The following REEP3 variants were observed in gnomAD, a reference collection of about 807,000 sequenced individuals.
The protein encoded by REEP3 is receptor expression-enhancing protein 3.
In REEP3, 20 loss-of-function variants were observed where a neutral mutation model predicts 41.3. The observed-to-expected ratio is 0.48, with a 90% confidence interval of 0.34 to 0.70. REEP3 has a LOEUF of 0.70. Among genes scored for constraint, REEP3 ranks in the 30% least tolerant of loss-of-function variants. REEP3 has a pLI of 0.01. For missense variants in REEP3, 271 were observed against 308.8 expected (o/e 0.88, Z 0.92); for synonymous variants, 104 against 101.8 (o/e 1.02, Z -0.13).
rs1589865641 is a variant in REEP3, at chr10:63,556,638, T to TG, written c.33-9700_33-9699insG. Among the ~76,000 whole-genome samples, 3 of 85,336 alleles carry TG rather than the reference T, an allele frequency of 3.5e-5. 1 individual carries two copies. The highest frequency in any genetic ancestry group is 4.9e-5 in the Non-Finnish European group (2 of 40,908). 56.0% of individuals were successfully genotyped at this position (85,336 alleles called of 152,430 possible). The stretch of plus-strand genomic sequence containing the variant: ...TGTTTTTTTTTTTGTTGTTTTGTTT[T>TG]TTTTTTTTTTTTTTTGAGACGGAGT... On this transcript the variant is annotated intron_variant, in intron 1 of 7. Transcript: ENST00000373758.
intron 1 of REEP3, among the ~76,000 whole-genome samples, chr10:63,527,033 T>C (rs1381154158): frequency 6.6e-6 from 1 of 152,190 alleles, no homozygotes; most frequent in Non-Finnish European, 1.5e-5. Flanking sequence ...TATATCGATA[T>C]TTCCCTTTTT....
intron 6 of REEP3, among the ~76,000 whole-genome samples, chr10:63,618,237 CTTTTTTTTT>C (rs60115766): frequency 2.6e-4 from 17 of 66,576 alleles, no homozygotes; most frequent in South Asian, 6.0e-4. Context: ...TTTCCTTCTT[CTTTTTTTTT>C]TTTTTTTTTT....
At chr10:63,605,915 C>G (rs897477168) in intron 5 of REEP3, among the ~76,000 whole-genome samples, 7 of 152,158 alleles carry the variant, frequency 4.6e-5, no homozygotes, top group Admixed American at 2.0e-4. Flanking sequence ...CTGCAGTATT[C>G]TCAGTTTCTT....
At chr10:63,604,094 G>A (rs1001175630) in intron 5 of REEP3, among the ~76,000 whole-genome samples, 3 of 152,112 alleles carry the variant, frequency 2.0e-5, no homozygotes, top group African/African-American at 7.2e-5. Flanking sequence ...TTTGAAGAAC[G>A]GGTAATAACG....
At chr10:63,603,846 A>G (rs553291040) in intron 5 of REEP3, among the ~76,000 whole-genome samples, 1 of 152,348 alleles carries the variant, frequency 6.6e-6, no homozygotes, top group South Asian at 2.1e-4. Context: ...ATTTTAAAGT[A>G]CATGAAATTA....
In REEP3 at chr10:63,611,256, TAAG is replaced by T. The variant is rs140450185; in HGVS notation, c.565+926_565+928del. On this transcript the variant is annotated intron_variant, in intron 6 of 7. Coordinates refer to ENST00000373758, the MANE Select transcript of REEP3 (RefSeq NM_001001330.3). ...TCTACTCGAACTGTGCACTGACATC[TAAG>T]AAGTTTTATAGTTGAACACTCTTTA... Among the ~76,000 whole-genome samples, 582 of 152,262 alleles carry T rather than the reference TAAG, an allele frequency of 3.8e-3. 4 individuals carry two copies. Among genetic ancestry groups the T allele is most frequent in the African/African-American group, 0.013 (545 of 41,542 alleles).
In REEP3 at chr10:63,556,633, T is replaced by TG. The variant is rs1564477655; in HGVS notation, c.33-9704dup. Among the ~76,000 whole-genome samples the TG allele has an allele frequency of 7.8e-4, 31 of 39,682 alleles. 2 individuals carry two copies. In the East Asian group the frequency reaches 0.013, roughly 17 times the overall value. The allele number at this position is 39,682 out of a possible 152,430, so 26.0% of individuals were successfully genotyped here. A position where few individuals can be genotyped will look rare whatever the true frequency, so the allele number is the denominator to read the frequency against. ...TTGCTTGTTTTTTTTTTTGTTGTTT[T>TG]GTTTTTTTTTTTTTTTTTTTGAGAC... On this transcript the variant is annotated intron_variant, in intron 1 of 7. Transcript: ENST00000373758.
At chr10:63,535,344 A>G (rs1163602545) in intron 1 of REEP3, among the ~76,000 whole-genome samples, 1 of 152,202 alleles carries the variant, frequency 6.6e-6, no homozygotes, top group Non-Finnish European at 1.5e-5. Flanking sequence ...AACATGATTG[A>G]AAGATAAAAG....
chr10:63,573,185 T>A (rs1955868693), intron 2 of REEP3, among the ~76,000 whole-genome samples: 1 of 152,224 alleles, frequency 6.6e-6, no homozygotes, highest in African/African-American at 2.4e-5. Flanking sequence ...AAATGGAAAG[T>A]ACTGTGTATT....
intron 3 of REEP3, 90 bp from the exon 4 acceptor site, chr10:63,597,934 A>C: frequency 1.8e-6 from 2 of 1,127,478 alleles, no homozygotes; most frequent in Non-Finnish European, 1.2e-6. Context: ...AAAACAGCAT[A>C]GTGACTGAAC....
At chr10:63,595,574 CT>C (rs1387289742) in intron 3 of REEP3, among the ~76,000 whole-genome samples, 1 of 151,574 alleles carries the variant, frequency 6.6e-6, no homozygotes, top group Non-Finnish European at 1.5e-5. Flanking sequence ...AATTACTCGT[CT>C]TTTTTTTCTT....
At chr10:63,555,154 CAT>C (rs765973983) in intron 1 of REEP3, among the ~76,000 whole-genome samples, 19 of 152,094 alleles carry the variant, frequency 1.2e-4, no homozygotes, top group Non-Finnish European at 2.8e-4. Flanking sequence ...TTATGAAAAA[CAT>C]AAAGTCTTTC....
intron 1 of REEP3, among the ~76,000 whole-genome samples, chr10:63,522,434 T>G (rs1955287761): frequency 1.3e-5 from 2 of 152,100 alleles, no homozygotes; most frequent in Non-Finnish European, 2.9e-5. Flanking sequence ...GAATACAGTT[T>G]AAACTGATTT....
At chr10:63,550,076 G>A (rs1955614429) in intron 1 of REEP3, among the ~76,000 whole-genome samples, 1 of 152,212 alleles carries the variant, frequency 6.6e-6, no homozygotes, top group South Asian at 2.1e-4. Flanking sequence ...GAATGTGTTG[G>A]GAAGCTGTTC....
chr10:63,600,741 G>A (rs1432309696), intron 5 of REEP3, among the ~76,000 whole-genome samples: 1 of 152,086 alleles, frequency 6.6e-6, no homozygotes, highest in Non-Finnish European at 1.5e-5. Flanking sequence ...AGATTGAAAG[G>A]ACCCACCAAG....
intron 1 of REEP3, among the ~76,000 whole-genome samples, chr10:63,525,384 T>G (rs535481178): frequency 2.6e-5 from 4 of 152,236 alleles, no homozygotes; most frequent in Non-Finnish European, 5.9e-5. Context: ...CAATCTCAGC[T>G]TACTTTAACA....
chr10:63,575,250 G>A (rs1269459366), intron 2 of REEP3, among the ~76,000 whole-genome samples: 3 of 152,148 alleles, frequency 2.0e-5, no homozygotes, highest in African/African-American at 7.2e-5. Flanking sequence ...TGGTGTTGCT[G>A]TTGAGAAGGC....
intron 2 of REEP3, among the ~76,000 whole-genome samples, chr10:63,567,487 G>A (rs957359496): frequency 6.6e-6 from 1 of 152,002 alleles, no homozygotes; most frequent in African/African-American, 2.4e-5. Context: ...AGGTTCATAC[G>A]TATCTTAGTA....
chr10:63,521,682 G>C, intron 1 of REEP3, 105 bp downstream of exon 1: 4 of 787,236 alleles, frequency 5.1e-6, no homozygotes, highest in Non-Finnish European at 7.0e-6. Context: ...GGGCGGGGAC[G>C]GGGTAGCCCG....
Sources: allele counts gnomAD v4.1 joint callset (sites outside exome capture counted in the v4.1 genomes callset), GRCh38; gene constraint gnomAD v4.1.1; transcripts MANE v1.5; gene names NCBI Gene and HGNC (gene_info 2026-07-23, HGNC 2026-07-21).